The following PKIB variants were observed in gnomAD, a reference collection of about 807,000 sequenced individuals.
The protein encoded by PKIB is cAMP-dependent protein kinase inhibitor beta, also known as PKI-beta.
In PKIB, 2 loss-of-function variants were observed where a neutral mutation model predicts 4.5. The observed-to-expected ratio is 0.44, with a 90% CI of 0.18 to 1.39. The LOEUF (loss-of-function observed/expected upper bound fraction) is 1.39. PKIB is among the 40% of genes most tolerant of loss of function. The probability of loss-of-function intolerance (pLI) is 0.27; values close to 1 mark genes in which losing one functional copy is unlikely to be tolerated. For missense variants in PKIB, 94 were observed against 92.6 expected, an observed-to-expected ratio of 1.02 and a Z score of -0.06; for synonymous variants, 38 against 36.0, an observed-to-expected ratio of 1.06 and a Z score of -0.20.
At chr6:122,685,741 T>A (rs1778067777) in intron 3 of PKIB, among the ~76,000 whole-genome samples, 1 of 152,170 alleles carries the variant, frequency 6.6e-6, no homozygotes, top group Non-Finnish European at 1.5e-5. Flanking sequence ...AAATACTAGG[T>A]CTTATTCTTT....
intron 2 of PKIB, among the ~76,000 whole-genome samples, chr6:122,538,999 T>C (rs1333003971): frequency 2.6e-5 from 4 of 152,096 alleles, no homozygotes; most frequent in African/African-American, 7.3e-5. Context: ...TATTGGTGTA[T>C]AAGAATGCTT....
chr6:122,506,284 C>A (rs1467875055), intron 2 of PKIB, among the ~76,000 whole-genome samples: 1 of 152,022 alleles, frequency 6.6e-6, no homozygotes. Flanking sequence ...CAAACATTAA[C>A]ATAAAAGGAG....
At chr6:122,628,447 G>A (rs1364973643) in intron 1 of PKIB, among the ~76,000 whole-genome samples, 1 of 152,206 alleles carries the variant, frequency 6.6e-6, no homozygotes, top group East Asian at 1.9e-4. Flanking sequence ...ACAGAGCAAA[G>A]TCTGAATCTC....
At chr6:122,725,097 T>A (rs756511012) in intron 4 of PKIB, 31 bp from the exon 5 acceptor site, 6 of 1,480,872 alleles carry the variant, frequency 4.1e-6, no homozygotes, top group Non-Finnish European at 5.6e-6. Context: ...TTTCAATATA[T>A]TCCACATATG....
intron 3 of PKIB, among the ~76,000 whole-genome samples, chr6:122,591,350 C>A (rs549437972): frequency 1.3e-5 from 2 of 152,204 alleles, no homozygotes; most frequent in Admixed American, 1.3e-4. Flanking sequence ...CTGATTTCCT[C>A]TTCTTCCTTT....
intron 2 of PKIB, among the ~76,000 whole-genome samples, chr6:122,561,742 G>T (rs570999985): frequency 1.3e-5 from 2 of 151,690 alleles, no homozygotes; most frequent in African/African-American, 4.8e-5. Context: ...ACCCCTGCTC[G>T]CTTTTGGTGT....
intron 2 of PKIB, among the ~76,000 whole-genome samples, chr6:122,494,531 G>A (rs1483359811): frequency 6.6e-6 from 1 of 152,176 alleles, no homozygotes; most frequent in South Asian, 2.1e-4. Flanking sequence ...GGAAATACTG[G>A]AAGATGATCA....
chr6:122,506,873 T>C (rs1345552093), intron 2 of PKIB, among the ~76,000 whole-genome samples: 2 of 151,146 alleles, frequency 1.3e-5, no homozygotes, highest in African/African-American at 4.9e-5. Context: ...CTAATTTTTT[T>C]TGTATTTTTA....
chr6:122,725,374 G>C lies in PKIB; in HGVS notation c.*179G>C, dbSNP rs1042410671. On this transcript the variant is annotated 3_prime_UTR_variant, in exon 5 of 5. Coordinates refer to ENST00000368452, the MANE Select transcript of PKIB (RefSeq NM_181795.3). ...CTTTGATTGCAATGATGATGTCCAAGGTAAGCTATTAAAAGGCAGGTTACT... is the reference window on the plus strand; with the variant it reads ...CTTTGATTGCAATGATGATGTCCAACGTAAGCTATTAAAAGGCAGGTTACT... 6 of 573,692 alleles carry C rather than the reference G, an allele frequency of 1.0e-5. No homozygotes were observed. The highest frequency in any genetic ancestry group is 1.9e-5 in the African/African-American group (1 of 53,418). The allele number at this position is 573,692 out of a possible 1,614,324, so 35.5% of individuals were successfully genotyped here.
intron 3 of PKIB, among the ~76,000 whole-genome samples, chr6:122,595,970 AG>A (rs1445903529): frequency 6.6e-6 from 1 of 152,216 alleles, no homozygotes; most frequent in Non-Finnish European, 1.5e-5. Flanking sequence ...CCACTCAGAG[AG>A]GTCCATCCAC....
chr6:122,657,234 G>A (rs1776807670), intron 2 of PKIB, among the ~76,000 whole-genome samples: 1 of 152,042 alleles, frequency 6.6e-6, no homozygotes, highest in Admixed American at 6.5e-5. Context: ...GCTTTCAACC[G>A]GTTGCTGTTG....
chr6:122,507,785 A>G (rs1456668059), intron 2 of PKIB, among the ~76,000 whole-genome samples: 1 of 151,784 alleles, frequency 6.6e-6, no homozygotes, highest in Non-Finnish European at 1.5e-5. Flanking sequence ...TTCCCGTGTA[A>G]TAACTTTTCC....
chr6:122,704,579 G>A (rs1161020839), intron 3 of PKIB, among the ~76,000 whole-genome samples: 1 of 151,982 alleles, frequency 6.6e-6, no homozygotes, highest in Non-Finnish European at 1.5e-5. Flanking sequence ...CTCAGGAATT[G>A]GAACATGAAA....
chr6:122,604,042 CCAACTCTGTGCCAAA>C (rs776057746), intron 3 of PKIB, among the ~76,000 whole-genome samples: 2 of 152,088 alleles, frequency 1.3e-5, no homozygotes, highest in Non-Finnish European at 2.9e-5. Flanking sequence ...TTATTAGATA[CCAACTCTGTGCCAAA>C]CACAGATGCT....
intron 1 of PKIB, among the ~76,000 whole-genome samples, chr6:122,630,416 T>C (rs926954570): frequency 6.6e-5 from 10 of 152,184 alleles, no homozygotes; most frequent in African/African-American, 2.4e-4. Flanking sequence ...GAGAACATTA[T>C]GCTAAGTGAA....
chr6:122,607,695 G>A (rs1294951797), upstream of PKIB, among the ~76,000 whole-genome samples: 6 of 152,134 alleles, frequency 3.9e-5, no homozygotes, highest in Non-Finnish European at 7.3e-5. Context: ...GGCCTTAAGT[G>A]GAAATAAGCT....
At position 122,495,789 on chromosome 6, in the gene PKIB, A is replaced by G. The variant is rs541383530; in HGVS notation, c.-248+17850A>G. Among the ~76,000 whole-genome samples the G allele has an allele frequency of 7.9e-5, 12 of 152,282 alleles. No individual in the cohort carries two copies. The East Asian group carries it at 9.7e-4, about 12-fold the overall frequency. ...ACAGGAGAGCCAGGAAGCTATATGT[A>G]TCCGGTTGGGTGACAAGATTATACC... On this transcript the variant is annotated intron_variant, in intron 2 of 6. Coordinates refer to the PKIB transcript ENST00000392491.
chr6:122,510,625 C>T (rs908433904), intron 2 of PKIB, among the ~76,000 whole-genome samples: 3 of 152,160 alleles, frequency 2.0e-5, no homozygotes, highest in Non-Finnish European at 4.4e-5. Context: ...AGTCAGTCAG[C>T]ATGTGCCATC....
intron 2 of PKIB, among the ~76,000 whole-genome samples, chr6:122,507,498 G>T (rs1454504128): frequency 6.6e-6 from 1 of 152,008 alleles, no homozygotes; most frequent in African/African-American, 2.4e-5. Flanking sequence ...GAAGTTAGTG[G>T]GTTTTGTTGT....
Sources: gnomAD v4.1 joint callset for allele counts (sites outside exome capture counted in the v4.1 genomes callset) on GRCh38, gnomAD v4.1.1 for gene constraint, MANE v1.5 for transcripts, NCBI Gene and HGNC (gene_info 2026-07-23, HGNC 2026-07-21) for gene names.